Variants in DBI observed in about 807,000 individuals in gnomAD.
DBI encodes acyl-CoA-binding protein.
A neutral mutation model predicts 13.0 loss-of-function variants in DBI; 12 were observed. The ratio of observed to expected loss-of-function variants is 0.92; its 90% CI spans 0.59 to 1.49. The LOEUF (loss-of-function observed/expected upper bound fraction) is 1.49. Among genes scored for constraint, DBI ranks in the 40% most tolerant of loss-of-function variants. DBI has a pLI of 0.00. For synonymous variants in DBI, 37 were observed against 37.4 expected (o/e 0.99, Z 0.04); for missense variants, 95 against 104.8 (o/e 0.91, Z 0.41).
At chr2:119,369,765 A>G (rs570066241) in intron 2 of DBI, among the ~76,000 whole-genome samples, 4 of 152,276 alleles carry the variant, frequency 2.6e-5, no homozygotes, top group African/African-American at 9.6e-5. Context: ...CAGCCTGGGC[A>G]ACAGAACGAG....
intron 1 of DBI, chr2:119,367,747 C>T (rs1681150715): frequency 4.4e-6 from 7 of 1,606,842 alleles, no homozygotes; most frequent in Admixed American, 1.7e-5. Context: ...CTGTTTCCAG[C>T]ATACTGTGCC....
chr2:119,367,562 A>G (rs760540068), intron 1 of DBI: 2 of 1,614,056 alleles, frequency 1.2e-6, no homozygotes, highest in East Asian at 4.5e-5. Flanking sequence ...TCTCCAGTGT[A>G]GACCCTTGTC....
rs550295012 is a variant in DBI, at chr2:119,368,087, C to A, written c.10-101C>A. The A allele has an allele frequency of 1.3e-5, 19 of 1,480,380 alleles. No individual in the cohort carries two copies. In the African/African-American group the frequency reaches 2.4e-4, roughly 18 times the overall value. 91.7% of individuals were successfully genotyped at this position (1,480,380 alleles called of 1,614,324 possible). A position where few individuals can be genotyped will look rare whatever the true frequency, so the allele number is the denominator to read the frequency against. ...GCCCGAAGGGTGCCACCTTTCCCACCTCTCCATCCCCGTAACTGGGCTGTC... is the reference window on the plus strand; with the variant it reads ...GCCCGAAGGGTGCCACCTTTCCCACATCTCCATCCCCGTAACTGGGCTGTC... On this transcript the variant is annotated intron_variant, in intron 1 of 3. Coordinates refer to ENST00000355857, the MANE Select transcript of DBI (RefSeq NM_001079862.4).
chr2:119,371,023 TAG>T (rs1026314258), intron 3 of DBI, among the ~76,000 whole-genome samples: 3 of 152,156 alleles, frequency 2.0e-5, no homozygotes, highest in African/African-American at 7.2e-5. Context: ...GAGCATCATC[TAG>T]AGAGGAGGGG....
At chr2:119,368,120 C>T in intron 1 of DBI, 68 bp from the exon 2 acceptor site, 1 of 1,512,912 alleles carries the variant, frequency 6.6e-7, no homozygotes, top group Non-Finnish European at 9.2e-7. Flanking sequence ...GTCATCAGGC[C>T]ACAGTAGGAT....
chr2:119,368,405 C>G (rs1681248061), intron 2 of DBI, 100 bp downstream of exon 2: 1 of 837,942 alleles, frequency 1.2e-6, no homozygotes. Context: ...CTGCCTGAGG[C>G]CCTACTCTTC....
chr2:119,370,570 C>T (rs759585126), intron 2 of DBI, 170 bp from the exon 3 acceptor site: 1 of 470,300 alleles, frequency 2.1e-6, no homozygotes, highest in Non-Finnish European at 3.8e-6. Context: ...TTTGGATTGG[C>T]ATACATTGGT....
At chr2:119,370,842 G>T in intron 3 of DBI, 40 bp downstream of exon 3, 2 of 1,563,316 alleles carry the variant, frequency 1.3e-6, no homozygotes, top group Non-Finnish European at 1.8e-6. Flanking sequence ...GTGAAACCCA[G>T]TAGTGAAAGA....
rs530783915 is a variant in DBI at position 119,367,001 on chromosome 2, T to G, written c.-51T>G. 4 of 1,612,700 alleles carry G rather than the reference T, an allele frequency of 2.5e-6. No individual in the cohort carries two copies. Among genetic ancestry groups the G allele is most frequent in the South Asian group, 2.2e-5 (2 of 90,968 alleles). On this transcript the variant is annotated 5_prime_UTR_variant, in exon 1 of 4. Transcript: ENST00000355857. ...CAGTGCAATCTGGGCGATCGCTTCC[T>G]GGTCCTCGCCTCCTCCGCTGTCTCC...
At chr2:119,370,038 C>G (rs1681401057) in intron 2 of DBI, among the ~76,000 whole-genome samples, 1 of 152,072 alleles carries the variant, frequency 6.6e-6, no homozygotes, top group Admixed American at 6.6e-5. Flanking sequence ...GGAACACTTC[C>G]CTGAAAGCGC....
chr2:119,370,611 C>A, intron 2 of DBI, 129 bp from the exon 3 acceptor site: 3 of 771,490 alleles, frequency 3.9e-6, no homozygotes, highest in Non-Finnish European at 4.2e-6. Context: ...TCTACTAGAC[C>A]TATTTAACCC....
intron 1 of DBI, chr2:119,367,618 T>C (rs1489492377): frequency 6.8e-6 from 11 of 1,613,870 alleles, no homozygotes; most frequent in Admixed American, 1.7e-5. Flanking sequence ...CCCGCCTGCC[T>C]CTGCCAATCC....
At chr2:119,370,433 ATTTT>A (rs3835892) in intron 2 of DBI, 1 of 201,844 alleles carries the variant, frequency 5.0e-6, no homozygotes, top group Admixed American at 5.9e-5. Context: ...ATATGAATGG[ATTTT>A]TTTTTTAATT....
chr2:119,367,075 C>T lies in DBI; in HGVS notation c.9+15C>T. The stretch of plus-strand genomic sequence containing the variant: ...GGATGTCTCAGGTACAGCGCGTGCA[C>T]AGCCAGGCTGCGAAGGTGCAGCGGG... On this transcript the variant is annotated intron_variant, in intron 1 of 3. Transcript: ENST00000355857. The T allele has an allele frequency of 2.5e-6, 4 of 1,613,944 alleles. No individual in the cohort carries two copies. Among genetic ancestry groups the T allele is most frequent in the Non-Finnish European group, 3.4e-6 (4 of 1,179,950 alleles).
chr2:119,367,111 G>T (rs748296210), intron 1 of DBI, 51 bp downstream of exon 1: 9 of 1,610,608 alleles, frequency 5.6e-6, no homozygotes, highest in Middle Eastern at 1.7e-4. Flanking sequence ...CGGGAGGCCC[G>T]TTGGGGGCTC....
intron 2 of DBI, chr2:119,368,630 T>C (rs1267313787): frequency 3.2e-5 from 8 of 247,380 alleles, no homozygotes; most frequent in Non-Finnish European, 5.7e-5. Flanking sequence ...GCCGTTCAGC[T>C]TCTGCCCTAG....
intron 2 of DBI, 197 bp downstream of exon 2, chr2:119,368,502 G>C: frequency 3.6e-6 from 2 of 562,440 alleles, no homozygotes; most frequent in Non-Finnish European, 6.4e-6. Flanking sequence ...TTCAAATCCT[G>C]GTTTTAGAAG....
Position 119,367,066 on chromosome 2 carries a change from G to T in DBI, c.9+6G>T, listed in dbSNP as rs1054393314. The T allele has an allele frequency of 6.2e-7, 1 of 1,614,076 alleles. No individual in the cohort carries two copies. The highest frequency in any genetic ancestry group is 1.7e-5 in the Admixed American group (1 of 60,014). ...AGTCGGCCAGGATGTCTCAGGTACAGCGCGTGCACAGCCAGGCTGCGAAGG... is the reference window on the plus strand; with the variant it reads ...AGTCGGCCAGGATGTCTCAGGTACATCGCGTGCACAGCCAGGCTGCGAAGG... On this transcript the variant is annotated splice_donor_region_variant and intron_variant, in intron 1 of 3. Transcript: ENST00000355857.
chr2:119,368,311 C>A lies in DBI; in HGVS notation c.127+6C>A. On this transcript the variant is annotated splice_donor_region_variant and intron_variant, in intron 2 of 3. Transcript: ENST00000355857. Reference sequence around the variant, plus strand: ...TGTGGGCGACATAAATACAGGTATGCAGAGCGGGGGTTGGAAGGGCATCTG... The same window carrying A: ...TGTGGGCGACATAAATACAGGTATGAAGAGCGGGGGTTGGAAGGGCATCTG... 1 of 1,604,762 alleles carries A rather than the reference C, an allele frequency of 6.2e-7. No individual in the cohort carries two copies. The highest frequency in any genetic ancestry group is 8.5e-7 in the Non-Finnish European group (1 of 1,171,518).
Sources: allele counts gnomAD v4.1 joint callset (sites outside exome capture counted in the v4.1 genomes callset), GRCh38; gene constraint gnomAD v4.1.1; transcripts MANE v1.5; gene names NCBI Gene and HGNC (gene_info 2026-07-23, HGNC 2026-07-21).